The following GRIK2 variants were observed in gnomAD, a reference collection of about 807,000 sequenced individuals.
The protein encoded by GRIK2 is glutamate ionotropic receptor kainate type subunit 2.
GRIK2 carries 32 observed loss-of-function variants against 100.3 expected under a neutral mutation model. The observed-to-expected ratio is 0.32, with a 90% CI of 0.24 to 0.43. The LOEUF is 0.43. GRIK2 is among the 20% of genes least tolerant of loss of function. GRIK2 has a pLI of 1.00. For missense variants in GRIK2, 843 were observed against 1,114.9 expected (o/e 0.76, Z 3.47); for synonymous variants, 417 against 389.4 (o/e 1.07, Z -0.83).
At chr6:101,903,899 C>T (rs1461862953) in intron 12 of GRIK2, among the ~76,000 whole-genome samples, 1 of 151,332 alleles carries the variant, frequency 6.6e-6, no homozygotes, top group Non-Finnish European at 1.5e-5. Flanking sequence ...TAAGCTGTTT[C>T]TAGGGGAAAA....
chr6:101,595,591 T>TAC (rs748144806), intron 2 of GRIK2, among the ~76,000 whole-genome samples: 179 of 151,208 alleles, frequency 1.2e-3, no homozygotes, highest in Non-Finnish European at 1.5e-3. Context: ...TGTATATATA[T>TAC]ACACACACAC....
intron 16 of GRIK2, among the ~76,000 whole-genome samples, chr6:102,064,386 CCTT>C (rs1397342944): frequency 7.3e-6 from 1 of 136,648 alleles, no homozygotes; most frequent in African/African-American, 2.7e-5. Flanking sequence ...TTCTTTCTTT[CCTT>C]TCTCTCTCTC....
At chr6:101,640,446 C>G (rs1781231106) in intron 4 of GRIK2, among the ~76,000 whole-genome samples, 1 of 152,146 alleles carries the variant, frequency 6.6e-6, no homozygotes, top group African/African-American at 2.4e-5. Context: ...ATTCATTTCC[C>G]AACATAGCAA....
chr6:101,956,597 A>G lies in GRIK2; in HGVS notation c.2085+27965A>G, dbSNP rs141467368. ...ACCCTGTCTATGTCCATGTGTACCCATTGTTAATTCCTACTTTTAAATGAG... is the reference window on the plus strand; with the variant it reads ...ACCCTGTCTATGTCCATGTGTACCCGTTGTTAATTCCTACTTTTAAATGAG... On this transcript the variant is annotated intron_variant, in intron 14 of 16. Transcript: ENST00000369134. Among the ~76,000 whole-genome samples, 649 of 151,910 alleles carry G rather than the reference A, an allele frequency of 4.3e-3. 3 individuals are homozygous for G. Among genetic ancestry groups the G allele is most frequent in the Admixed American group, 8.9e-3 (136 of 15,248 alleles).
At chr6:101,795,269 G>C (rs1780215994) in intron 7 of GRIK2, among the ~76,000 whole-genome samples, 1 of 152,144 alleles carries the variant, frequency 6.6e-6, no homozygotes, top group African/African-American at 2.4e-5. Context: ...TGATTATAGG[G>C]TTAGCAGTAG....
At chr6:101,983,282 T>C (rs1326679081) in intron 14 of GRIK2, among the ~76,000 whole-genome samples, 1 of 151,768 alleles carries the variant, frequency 6.6e-6, no homozygotes, top group Admixed American at 6.6e-5. Context: ...CAGAGCAAAA[T>C]GAAGTTAGTT....
At chr6:101,765,373 T>C (rs1278901061) in intron 7 of GRIK2, among the ~76,000 whole-genome samples, 1 of 152,186 alleles carries the variant, frequency 6.6e-6, no homozygotes, top group East Asian at 1.9e-4. Flanking sequence ...AATGCGTGTG[T>C]GCTTTTTTAA....
chr6:101,882,145 C>G (rs765646444), intron 11 of GRIK2, among the ~76,000 whole-genome samples: 10 of 152,108 alleles, frequency 6.6e-5, no homozygotes, highest in Non-Finnish European at 1.2e-4. Flanking sequence ...TCCCATGATT[C>G]AATTATCTTC....
At chr6:101,493,098 T>C (rs752319555) in intron 2 of GRIK2, among the ~76,000 whole-genome samples, 16 of 151,854 alleles carry the variant, frequency 1.1e-4, no homozygotes, top group Non-Finnish European at 1.8e-4. Context: ...TTATCCAGAA[T>C]ATAATACAGA....
intron 2 of GRIK2, among the ~76,000 whole-genome samples, chr6:101,572,811 GTTTATTA>G (rs1419211554): frequency 4.7e-5 from 5 of 106,976 alleles, no homozygotes; most frequent in Non-Finnish European, 8.1e-5. Flanking sequence ...TGTTATTGTT[GTTTATTA>G]TTTATTTATT....
At chr6:101,518,998 A>C (rs1001112470) in intron 2 of GRIK2, among the ~76,000 whole-genome samples, 5 of 152,182 alleles carry the variant, frequency 3.3e-5, no homozygotes, top group Non-Finnish European at 7.4e-5. Flanking sequence ...ACTTGGCAAG[A>C]CATGTAAGAG....
intron 14 of GRIK2, among the ~76,000 whole-genome samples, chr6:101,984,519 C>T (rs1793902703): frequency 6.6e-6 from 1 of 151,370 alleles, no homozygotes; most frequent in African/African-American, 2.4e-5. Flanking sequence ...CTCTGAAATA[C>T]TCCGCAACAG....
At chr6:101,576,240 G>T (rs555855092) in intron 2 of GRIK2, among the ~76,000 whole-genome samples, 1 of 152,054 alleles carries the variant, frequency 6.6e-6, no homozygotes, top group East Asian at 1.9e-4. Context: ...GCAGGTATTG[G>T]CAGTGGGTAC....
chr6:101,492,743 A>G (rs984250586), intron 2 of GRIK2, among the ~76,000 whole-genome samples: 1 of 152,044 alleles, frequency 6.6e-6, no homozygotes, highest in African/African-American at 2.4e-5. Flanking sequence ...TGAGTTCACA[A>G]TAAAAACAAA....
intron 2 of GRIK2, among the ~76,000 whole-genome samples, chr6:101,585,735 T>C (rs1778327233): frequency 6.6e-6 from 1 of 152,022 alleles, no homozygotes; most frequent in African/African-American, 2.4e-5. Flanking sequence ...TTATGAGCAA[T>C]GATGAACAAA....
intron 2 of GRIK2, among the ~76,000 whole-genome samples, chr6:101,464,497 C>CTTTTTTTTTTTTTTTTTTTT (rs71028069): frequency 1.6e-5 from 1 of 62,012 alleles, no homozygotes. Flanking sequence ...CTTTTTCTTT[C>CTTTTTTTTTTTTTTTTTTTT]TTTTTTTTTT....
chr6:101,565,730 A>G (rs909464090), intron 2 of GRIK2, among the ~76,000 whole-genome samples: 5 of 151,748 alleles, frequency 3.3e-5, no homozygotes, highest in African/African-American at 1.2e-4. Flanking sequence ...TGCAGGGGAT[A>G]GGGGTGCTGA....
chr6:101,655,214 G>C (rs1407721593), intron 4 of GRIK2, among the ~76,000 whole-genome samples: 1 of 152,152 alleles, frequency 6.6e-6, no homozygotes, highest in Non-Finnish European at 1.5e-5. Context: ...AATGTGATAA[G>C]AGTATTTTAG....
intron 4 of GRIK2, among the ~76,000 whole-genome samples, chr6:101,639,006 A>G (rs1781155555): frequency 6.6e-6 from 1 of 152,008 alleles, no homozygotes; most frequent in South Asian, 2.1e-4. Context: ...CACAAACAAA[A>G]AATAGTTCAG....
Sources: gnomAD v4.1 joint callset for allele counts (sites outside exome capture counted in the v4.1 genomes callset) on GRCh38, gnomAD v4.1.1 for gene constraint, MANE v1.5 for transcripts, NCBI Gene and HGNC (gene_info 2026-07-23, HGNC 2026-07-21) for gene names.